Variants in ADGRL4 observed in about 807,000 individuals in gnomAD.
ADGRL4 encodes the protein EGF, latrophilin and seven transmembrane domain containing 1.
In ADGRL4, 90 loss-of-function variants were observed where a neutral mutation model predicts 74.8. The observed-to-expected ratio is 1.20, with a 90% CI of 1.02 to 1.43. The LOEUF (loss-of-function observed/expected upper bound fraction) is 1.43. Among genes scored for constraint, ADGRL4 ranks in the 40% most tolerant of loss-of-function variants. The probability of loss-of-function intolerance (pLI) is 0.00; values close to 1 mark genes in which losing one functional copy is unlikely to be tolerated. For missense variants in ADGRL4, 881 were observed against 814.3 expected (o/e 1.08, Z -1.00); for synonymous variants, 311 against 279.2 (o/e 1.11, Z -1.14).
At chr1:78,935,967 C>A (rs1474490585) in intron 7 of ADGRL4, among the ~76,000 whole-genome samples, 1 of 77,464 alleles carries the variant, frequency 1.3e-5, no homozygotes. Context: ...ACTAAAAATA[C>A]AAAAAAATTA....
At chr1:78,967,493 A>G (rs1229346297) in intron 2 of ADGRL4, among the ~76,000 whole-genome samples, 1 of 152,244 alleles carries the variant, frequency 6.6e-6, no homozygotes, top group Non-Finnish European at 1.5e-5. Flanking sequence ...CAAAGTGTGC[A>G]AGAACAGTAA....
intron 2 of ADGRL4, among the ~76,000 whole-genome samples, chr1:78,983,250 A>C (rs931439435): frequency 9.2e-5 from 14 of 151,792 alleles, no homozygotes; most frequent in Non-Finnish European, 1.9e-4. Context: ...CATGCCCAAA[A>C]CATCATCAGT....
At chr1:79,004,380 TGGGGTAGAGGTGA>T (rs1650915350) in intron 2 of ADGRL4, among the ~76,000 whole-genome samples, 1 of 151,906 alleles carries the variant, frequency 6.6e-6, no homozygotes, top group Non-Finnish European at 1.5e-5. Flanking sequence ...AGTGGAAGAT[TGGGGTAGAGGTGA>T]CAACTACAGA....
At chr1:78,989,563 C>T (rs1173317770) in intron 2 of ADGRL4, among the ~76,000 whole-genome samples, 3 of 151,452 alleles carry the variant, frequency 2.0e-5, no homozygotes, top group Admixed American at 6.6e-5. Context: ...TGTTCTTCTT[C>T]TAGGTATGTC....
chr1:78,965,750 A>T (rs1040208557), intron 2 of ADGRL4, among the ~76,000 whole-genome samples: 3 of 152,208 alleles, frequency 2.0e-5, no homozygotes, highest in Admixed American at 1.3e-4. Context: ...AGAAACCTTT[A>T]AAATGACATT....
chr1:78,896,070 T>TATC (rs1648391535), intron 12 of ADGRL4, among the ~76,000 whole-genome samples: 1 of 151,964 alleles, frequency 6.6e-6, no homozygotes, highest in Non-Finnish European at 1.5e-5. Flanking sequence ...TTGAACCTAT[T>TATC]TATGTACTCT....
At chr1:78,951,659 T>C (rs1557510113) in intron 2 of ADGRL4, among the ~76,000 whole-genome samples, 1 of 152,204 alleles carries the variant, frequency 6.6e-6, no homozygotes, top group Non-Finnish European at 1.5e-5. Context: ...TATTACTTAG[T>C]TGTTGCAAAA....
chr1:78,984,507 A>C (rs1208790193), intron 2 of ADGRL4, among the ~76,000 whole-genome samples: 2 of 151,794 alleles, frequency 1.3e-5, no homozygotes. Context: ...ACTAGCCTCA[A>C]TCTTGACATG....
intron 2 of ADGRL4, among the ~76,000 whole-genome samples, chr1:78,959,659 A>C (rs2100706881): frequency 6.6e-6 from 1 of 152,308 alleles, no homozygotes; most frequent in South Asian, 2.1e-4. Flanking sequence ...TATAGAAGTG[A>C]TGAAATTCAA....
At chr1:78,899,001 A>G (rs182850169) in intron 12 of ADGRL4, among the ~76,000 whole-genome samples, 2 of 152,340 alleles carry the variant, frequency 1.3e-5, no homozygotes, top group African/African-American at 4.8e-5. Flanking sequence ...AAAATGAAGC[A>G]TCCCAATCAG....
At chr1:79,006,103 A>C (rs527620326) in intron 1 of ADGRL4, among the ~76,000 whole-genome samples, 11 of 152,352 alleles carry the variant, frequency 7.2e-5, no homozygotes, top group African/African-American at 2.6e-4. Flanking sequence ...GCTATGAAGC[A>C]TGAGGTCATT....
chr1:78,911,673 T>C (rs960508307), intron 12 of ADGRL4, among the ~76,000 whole-genome samples: 14 of 151,816 alleles, frequency 9.2e-5, no homozygotes, highest in Non-Finnish European at 1.6e-4. Flanking sequence ...CCCTTGCATA[T>C]AATGTTTTGC....
At chr1:78,905,024 G>A (rs1048805878) in intron 12 of ADGRL4, among the ~76,000 whole-genome samples, 3 of 151,880 alleles carry the variant, frequency 2.0e-5, no homozygotes, top group Non-Finnish European at 2.9e-5. Flanking sequence ...TTGTGATATG[G>A]TTTCAATGGA....
intron 2 of ADGRL4, among the ~76,000 whole-genome samples, chr1:78,993,208 G>A (rs549359996): frequency 9.2e-4 from 140 of 152,136 alleles, no homozygotes; most frequent in Non-Finnish European, 1.7e-3. Context: ...TAAAGTTGTA[G>A]AGAGAAGGAA....
intron 2 of ADGRL4, among the ~76,000 whole-genome samples, chr1:78,987,227 C>T (rs190596752): frequency 6.6e-6 from 1 of 151,850 alleles, no homozygotes; most frequent in African/African-American, 2.4e-5. Flanking sequence ...TCGTGATATA[C>T]TATTTATTGA....
At position 79,006,702 on chromosome 1, in the gene ADGRL4, G is replaced by A. The variant is rs759906777; in HGVS notation, c.-48C>T. ...GGTGGCGGAGAGCGCGGCGGAGTGA[G>A]TGCGGCTGTGGACCCGGGACCGGGC... On this transcript the variant is annotated 5_prime_UTR_variant, in exon 1 of 15. Coordinates refer to ENST00000370742, the MANE Select transcript of ADGRL4 (RefSeq NM_022159.4). 12 of 1,438,532 alleles carry A rather than the reference G, an allele frequency of 8.3e-6. No individual in the cohort carries two copies. The South Asian group carries it at 1.5e-4, about 18-fold the overall frequency. The allele number at this position is 1,438,532 out of a possible 1,614,324, so 89.1% of individuals were successfully genotyped here.
chr1:78,965,089 T>C (rs1173344144), intron 2 of ADGRL4, among the ~76,000 whole-genome samples: 2 of 152,074 alleles, frequency 1.3e-5, no homozygotes, highest in Non-Finnish European at 2.9e-5. Flanking sequence ...ATGTACCAAA[T>C]TCAAAATATA....
intron 7 of ADGRL4, among the ~76,000 whole-genome samples, chr1:78,932,710 C>A (rs986337810): frequency 4.7e-5 from 7 of 149,250 alleles, no homozygotes; most frequent in African/African-American, 1.8e-4. Context: ...AGAGAAGAAT[C>A]AAATAGGCAC....
At chr1:78,991,446 C>T (rs763859309) in intron 2 of ADGRL4, among the ~76,000 whole-genome samples, 2 of 151,920 alleles carry the variant, frequency 1.3e-5, no homozygotes, top group African/African-American at 2.4e-5. Flanking sequence ...GAGTTAATAT[C>T]GGTTAAATAA....
Sources: gnomAD v4.1 joint callset for allele counts (sites outside exome capture counted in the v4.1 genomes callset) on GRCh38, gnomAD v4.1.1 for gene constraint, MANE v1.5 for transcripts, NCBI Gene and HGNC (gene_info 2026-07-23, HGNC 2026-07-21) for gene names.